RBFOX1: variants seen among roughly 807,000 people sequenced by gnomAD.
RBFOX1 encodes the protein RNA binding protein fox-1 homolog 1.
In RBFOX1, 8 loss-of-function variants were observed where a neutral mutation model predicts 57.7. The ratio of observed to expected loss-of-function variants is 0.14; its 90% CI spans 0.08 to 0.25. The LOEUF (loss-of-function observed/expected upper bound fraction) is 0.25, where lower values mean the gene tolerates loss of function less well. RBFOX1 is among the 10% of genes least tolerant of loss of function. The pLI, the probability that RBFOX1 is intolerant of heterozygous loss-of-function variation, is 1.00. For synonymous variants in RBFOX1, 326 were observed against 222.4 expected, an observed-to-expected ratio of 1.47 and a Z score of -4.15; for missense variants, 611 against 548.5, an observed-to-expected ratio of 1.11 and a Z score of -1.14.
chr16:6,652,637 C>T (rs572066980), intron 2 of RBFOX1, among the ~76,000 whole-genome samples: 7 of 152,042 alleles, frequency 4.6e-5, no homozygotes, highest in Admixed American at 1.3e-4. Flanking sequence ...AAACTTCAGT[C>T]GTTGAAGTCA....
At chr16:6,927,473 T>C (rs1401099860) in intron 3 of RBFOX1, among the ~76,000 whole-genome samples, 1 of 149,158 alleles carries the variant, frequency 6.7e-6, no homozygotes, top group Non-Finnish European at 1.5e-5. Context: ...CTGATCATTA[T>C]TTTCAAAAAT....
chr16:6,836,102 G>A (rs1277700725), intron 3 of RBFOX1, among the ~76,000 whole-genome samples: 3 of 152,204 alleles, frequency 2.0e-5, no homozygotes, highest in African/African-American at 7.2e-5. Flanking sequence ...AGAAATGGGA[G>A]ACAATCATGC....
rs188943263 is a variant in RBFOX1, at chr16:6,203,941, T to C, written c.-126-113054T>C. ...ACAAACACAGAGAAATCATATTAAC[T>C]CTCAACCTGTTGGTGGCTCTGCCAG... On this transcript the variant is annotated intron_variant, in intron 1 of 15. Transcript: ENST00000550418. Among the ~76,000 whole-genome samples, 100 of 151,586 alleles carry C rather than the reference T, an allele frequency of 6.6e-4. No homozygotes were observed. In the East Asian group the frequency reaches 0.014, roughly 22 times the overall value.
chr16:6,993,181 A>G (rs1175861921), intron 3 of RBFOX1, among the ~76,000 whole-genome samples: 2 of 152,088 alleles, frequency 1.3e-5, no homozygotes, highest in Non-Finnish European at 2.9e-5. Context: ...TTGTCAAATA[A>G]AATCATTTGA....
chr16:7,254,025 A>T (rs1274342159), intron 4 of RBFOX1, among the ~76,000 whole-genome samples: 1 of 152,116 alleles, frequency 6.6e-6, no homozygotes, highest in African/African-American at 2.4e-5. Flanking sequence ...GAAAGTGTAA[A>T]TCCTCCTAAC....
intron 2 of RBFOX1, among the ~76,000 whole-genome samples, chr16:6,460,600 A>T (rs1257374840): frequency 6.6e-6 from 1 of 152,186 alleles, no homozygotes; most frequent in East Asian, 1.9e-4. Flanking sequence ...GAAACAACAG[A>T]TGCTGGTGAG....
chr16:5,573,790 C>G (rs1543942), intron 2 of RBFOX1, among the ~76,000 whole-genome samples: 132,591 of 152,084 alleles, frequency 0.87, 57,952 homozygotes, highest in East Asian at 1. Flanking sequence ...GGCAAGATAT[C>G]ATATCTACAA....
At chr16:7,095,622 A>T (rs1263851900) in intron 4 of RBFOX1, among the ~76,000 whole-genome samples, 3 of 152,198 alleles carry the variant, frequency 2.0e-5, no homozygotes, top group Admixed American at 6.5e-5. Flanking sequence ...GTCATGATAC[A>T]TACCAGGTGG....
At chr16:7,302,905 A>T (rs1185438282) in intron 4 of RBFOX1, among the ~76,000 whole-genome samples, 2 of 152,192 alleles carry the variant, frequency 1.3e-5, no homozygotes, top group Admixed American at 6.5e-5. Flanking sequence ...CGTTTGCAAG[A>T]GCAGAATGTT....
intron 3 of RBFOX1, among the ~76,000 whole-genome samples, chr16:5,764,302 C>T (rs1597153383): frequency 6.6e-6 from 1 of 152,206 alleles, no homozygotes; most frequent in South Asian, 2.1e-4. Flanking sequence ...TGCCTCAATG[C>T]TGGAAGGTAC....
At chr16:6,823,848 C>G (rs1051216501) in intron 3 of RBFOX1, among the ~76,000 whole-genome samples, 10 of 152,080 alleles carry the variant, frequency 6.6e-5, no homozygotes, top group African/African-American at 1.9e-4. Flanking sequence ...AAATAGAGGG[C>G]TCTGTGCTGT....
At chr16:5,278,341 T>C (rs2063190917) in intron 1 of RBFOX1, among the ~76,000 whole-genome samples, 1 of 152,224 alleles carries the variant, frequency 6.6e-6, no homozygotes, top group Non-Finnish European at 1.5e-5. Flanking sequence ...TCTTTTGCTG[T>C]GCAGAAGCTC....
At chr16:5,989,569 T>A (rs1465403334) in intron 4 of RBFOX1, among the ~76,000 whole-genome samples, 1 of 152,024 alleles carries the variant, frequency 6.6e-6, no homozygotes, top group African/African-American at 2.4e-5. Context: ...CAGCAAGGGC[T>A]CGCCGACCTA....
At chr16:5,831,549 G>A (rs1446021300) in intron 3 of RBFOX1, among the ~76,000 whole-genome samples, 1 of 150,926 alleles carries the variant, frequency 6.6e-6, no homozygotes, top group East Asian at 1.9e-4. Context: ...GAGTGCAGTG[G>A]CACAATCTCA....
intron 4 of RBFOX1, among the ~76,000 whole-genome samples, chr16:7,064,533 C>T (rs1211078112): frequency 1.3e-5 from 2 of 151,966 alleles, no homozygotes; most frequent in African/African-American, 2.4e-5. Context: ...AACTACATGA[C>T]CCAAAGGGAG....
chr16:5,795,492 G>A (rs2054847667), intron 3 of RBFOX1, among the ~76,000 whole-genome samples: 1 of 151,980 alleles, frequency 6.6e-6, no homozygotes, highest in Admixed American at 6.6e-5. Flanking sequence ...TTGTGGAGAT[G>A]GGGTATTGCT....
chr16:7,456,601 C>G (rs1283204226), intron 4 of RBFOX1, among the ~76,000 whole-genome samples: 8 of 152,142 alleles, frequency 5.3e-5, no homozygotes, highest in African/African-American at 1.9e-4. Flanking sequence ...GAGTTGCAGG[C>G]AAGGGGGTAT....
At chr16:5,900,832 G>A (rs2058288712) in intron 4 of RBFOX1, among the ~76,000 whole-genome samples, 1 of 152,170 alleles carries the variant, frequency 6.6e-6, no homozygotes, top group Admixed American at 6.5e-5. Flanking sequence ...CCAGGAAGCT[G>A]CAGGAGCTCC....
At chr16:7,697,571 TA>T (rs2079187593) in intron 14 of RBFOX1, among the ~76,000 whole-genome samples, 4 of 152,174 alleles carry the variant, frequency 2.6e-5, no homozygotes, top group African/African-American at 9.7e-5. Flanking sequence ...TATGCATGTA[TA>T]TATGTATCAC....
Sources: allele counts gnomAD v4.1 joint callset (sites outside exome capture counted in the v4.1 genomes callset), GRCh38; gene constraint gnomAD v4.1.1; transcripts MANE v1.5; gene names NCBI Gene and HGNC (gene_info 2026-07-23, HGNC 2026-07-21).